Variants in RGS9 observed in about 807,000 individuals in gnomAD.
The protein encoded by RGS9 is regulator of G-protein signalling 9.
A neutral mutation model predicts 102.0 loss-of-function variants in RGS9; 78 were observed. The ratio of observed to expected loss-of-function variants is 0.76; its 90% confidence interval spans 0.64 to 0.92. RGS9 has a LOEUF of 0.92. RGS9 is among the 40% of genes least tolerant of loss of function. RGS9 has a pLI of 0.00. For missense variants in RGS9, 833 were observed against 866.1 expected, an observed-to-expected ratio of 0.96 and a Z score of 0.48; for synonymous variants, 353 against 318.6, an observed-to-expected ratio of 1.11 and a Z score of -1.15.
At chr17:65,139,360 G>A (rs574965000) in intron 1 of RGS9, among the ~76,000 whole-genome samples, 6 of 148,694 alleles carry the variant, frequency 4.0e-5, no homozygotes, top group South Asian at 4.3e-4. Flanking sequence ...GACCTGAAAC[G>A]CTCCACTGGC....
At chr17:65,184,415 G>A (rs537304934) in intron 9 of RGS9, among the ~76,000 whole-genome samples, 9 of 152,238 alleles carry the variant, frequency 5.9e-5, no homozygotes, top group South Asian at 2.1e-4. Flanking sequence ...AAATTGTGCC[G>A]CTCACGTGCT....
intron 17 of RGS9, among the ~76,000 whole-genome samples, chr17:65,221,519 G>A (rs1470898662): frequency 6.6e-6 from 1 of 152,158 alleles, no homozygotes; most frequent in Non-Finnish European, 1.5e-5. Context: ...ACACAGACCT[G>A]GCCTCAGGTT....
At chr17:65,213,395 GTGGCCTACTTTTA>G (rs1913375405) in intron 17 of RGS9, among the ~76,000 whole-genome samples, 1 of 152,154 alleles carries the variant, frequency 6.6e-6, no homozygotes, top group African/African-American at 2.4e-5. Context: ...CTCCTGCTGT[GTGGCCTACTTTTA>G]TGGGAACATT....
chr17:65,209,611 T>A (rs1913210481), intron 16 of RGS9, among the ~76,000 whole-genome samples: 1 of 152,182 alleles, frequency 6.6e-6, no homozygotes, highest in Non-Finnish European at 1.5e-5. Flanking sequence ...GTTCCAGGAA[T>A]CCAGTTTGGC....
intron 17 of RGS9, among the ~76,000 whole-genome samples, chr17:65,217,335 T>C (rs1326259582): frequency 6.6e-6 from 1 of 152,212 alleles, no homozygotes; most frequent in Admixed American, 6.5e-5. Flanking sequence ...CAGGACTTTA[T>C]GTGAACAAAA....
chr17:65,142,547 T>G (rs1209788420), intron 1 of RGS9, among the ~76,000 whole-genome samples: 2 of 152,098 alleles, frequency 1.3e-5, no homozygotes, highest in African/African-American at 4.8e-5. Flanking sequence ...TTGGTCTTTT[T>G]ATGCCACTGT....
Position 65,214,294 on chromosome 17 carries a change from A to G in RGS9, c.1407+3689A>G, listed in dbSNP as rs978689491. On this transcript the variant is annotated intron_variant, in intron 17 of 18. Coordinates refer to ENST00000262406, the MANE Select transcript of RGS9 (RefSeq NM_003835.4). ...TATATTTTAAAGACCTTTTTTGTGTAAGAATCTGTGGTGAGTGCTATGGTG... is the reference window on the plus strand; with the variant it reads ...TATATTTTAAAGACCTTTTTTGTGTGAGAATCTGTGGTGAGTGCTATGGTG... Among the ~76,000 whole-genome samples the G allele has an allele frequency of 2.6e-5, 4 of 152,170 alleles. No individual in the cohort carries two copies. In the South Asian group the frequency reaches 8.3e-4, roughly 32 times the overall value.
chr17:65,150,776 G>T (rs958408441), intron 1 of RGS9, among the ~76,000 whole-genome samples: 19 of 152,160 alleles, frequency 1.2e-4, no homozygotes, highest in Non-Finnish European at 2.5e-4. Context: ...AGATCTTTGG[G>T]CTCAGGGACC....
At chr17:65,211,101 A>G (rs1353710024) in intron 17 of RGS9, among the ~76,000 whole-genome samples, 1 of 152,112 alleles carries the variant, frequency 6.6e-6, no homozygotes, top group Non-Finnish European at 1.5e-5. Context: ...CCCATACCCA[A>G]GGCCTAGTGT....
intron 16 of RGS9, 72 bp downstream of exon 16, chr17:65,208,079 C>T: frequency 9.8e-7 from 1 of 1,017,482 alleles, no homozygotes; most frequent in Non-Finnish European, 1.6e-6. Flanking sequence ...CTCTTTCAGC[C>T]AAATGGCTAT....
In RGS9 at chr17:65,153,433, C is replaced by A. The variant is rs373346845; in HGVS notation, c.69C>A (p.Leu23=). ...RMAFLQKIEA[L]VKDMQNPETG... ...GTTCTGTCTTGCAGATTGAAGCGCT[C>A]GTGAAGGACATGCAGAACCCAGAGA... Residue 23 remains leucine, a synonymous_variant, in exon 2 of 19, where the codon CTC becomes CTA. Coordinates refer to ENST00000262406, the MANE Select transcript of RGS9 (RefSeq NM_003835.4). The A allele has an allele frequency of 6.2e-7, 1 of 1,613,940 alleles. No individual in the cohort carries two copies. Among genetic ancestry groups the A allele is most frequent in the South Asian group, 1.1e-5 (1 of 91,082 alleles).
chr17:65,178,868 C>G (rs1173692863), intron 9 of RGS9, among the ~76,000 whole-genome samples: 1 of 152,194 alleles, frequency 6.6e-6, no homozygotes, highest in African/African-American at 2.4e-5. Flanking sequence ...GCATCCCCAG[C>G]TCTGCCCATG....
intron 17 of RGS9, among the ~76,000 whole-genome samples, chr17:65,214,871 C>T (rs1913427839): frequency 1.3e-5 from 2 of 152,196 alleles, no homozygotes; most frequent in South Asian, 4.1e-4. Context: ...CTCATAAGCG[C>T]CACTCCCCAT....
intron 2 of RGS9, among the ~76,000 whole-genome samples, chr17:65,154,679 G>A (rs988345720): frequency 6.6e-6 from 1 of 152,138 alleles, no homozygotes; most frequent in Admixed American, 6.6e-5. Flanking sequence ...CATCATTTGG[G>A]GATATTGGCA....
At chr17:65,211,234 C>A (rs931885072) in intron 17 of RGS9, among the ~76,000 whole-genome samples, 12 of 152,304 alleles carry the variant, frequency 7.9e-5, no homozygotes, top group African/African-American at 2.9e-4. Context: ...GAAGTACTTT[C>A]TCTGAACTCC....
At chr17:65,223,610 C>T (rs939079636) in intron 17 of RGS9, among the ~76,000 whole-genome samples, 7 of 152,230 alleles carry the variant, frequency 4.6e-5, no homozygotes, top group Non-Finnish European at 1.0e-4. Flanking sequence ...GGGCAGTGCC[C>T]AGATCCCGGG....
rs1023668163 is a variant in RGS9, at chr17:65,162,612, G to A, written c.424-401G>A. 1.3e-4 allele frequency among the ~76,000 whole-genome samples: 19 copies of A among 150,748 alleles called. 1 individual carries two copies. Among genetic ancestry groups the A allele is most frequent in the Admixed American group, 5.3e-4 (8 of 15,102 alleles). On this transcript the variant is annotated intron_variant, in intron 6 of 18. Transcript: ENST00000262406. ...CGAGTTGCTGGGACTACAGGCACCC[G>A]CCACCACGCCTGGCTAATTTTTTGT...
rs187120938 is a variant in RGS9 at position 65,178,044 on chromosome 17, T to A, written c.654+241T>A. Among the ~76,000 whole-genome samples, 530 of 152,236 alleles carry A rather than the reference T, an allele frequency of 3.5e-3. 2 individuals are homozygous for A. Among genetic ancestry groups the A allele is most frequent in the Non-Finnish European group, 4.9e-3 (331 of 68,020 alleles). ...GAGGCTGTAGAGTGCAGGGAAGAGCTAATGGGATCTAGATGGCTGGTTTTC... is the reference window on the plus strand; with the variant it reads ...GAGGCTGTAGAGTGCAGGGAAGAGCAAATGGGATCTAGATGGCTGGTTTTC... On this transcript the variant is annotated intron_variant, in intron 9 of 18. Transcript: ENST00000262406.
chr17:65,227,212 T>C (rs1168810889), intron 18 of RGS9, 63 bp from the exon 19 acceptor site: 2 of 1,608,260 alleles, frequency 1.2e-6, no homozygotes, highest in Non-Finnish European at 1.7e-6. Context: ...CAGGATGATT[T>C]GGGGAGGTGC....
Sources: allele counts gnomAD v4.1 joint callset (sites outside exome capture counted in the v4.1 genomes callset), GRCh38; gene constraint gnomAD v4.1.1; transcripts MANE v1.5; gene names NCBI Gene and HGNC (gene_info 2026-07-23, HGNC 2026-07-21).